CTTNBP2NL: variants seen among roughly 807,000 people sequenced by gnomAD.
CTTNBP2NL encodes CTTNBP2 N-terminal like, also known as CTTNBP2 N-terminal-like protein.
A neutral mutation model predicts 32.5 loss-of-function variants in CTTNBP2NL; 16 were observed. That is an observed-to-expected ratio of 0.49 (90% confidence interval 0.33 to 0.75). The LOEUF (loss-of-function observed/expected upper bound fraction) is 0.75, where lower values mean the gene tolerates loss of function less well. Ranked by LOEUF, CTTNBP2NL falls within the 30% of genes least tolerant of loss-of-function variation. The pLI is 0.02. For synonymous variants in CTTNBP2NL, 298 were observed against 289.4 expected (o/e 1.03, Z -0.30); for missense variants, 645 against 756.0 (o/e 0.85, Z 1.72).
intron 3 of CTTNBP2NL, among the ~76,000 whole-genome samples, chr1:112,421,518 G>A (rs548490657): frequency 6.7e-6 from 1 of 149,356 alleles, no homozygotes; most frequent in Non-Finnish European, 1.5e-5. Context: ...GGCCAGGCTG[G>A]TCTTGAACTC....
chr1:112,391,676 G>T (rs550508262), upstream of CTTNBP2NL, among the ~76,000 whole-genome samples: 1 of 152,106 alleles, frequency 6.6e-6, no homozygotes, highest in East Asian at 1.9e-4. Context: ...CACTATTCCC[G>T]CTTCTCTTGC....
At chr1:112,405,266 G>C in intron 1 of CTTNBP2NL, among the ~76,000 whole-genome samples, 1 of 152,136 alleles carries the variant, frequency 6.6e-6, no homozygotes, top group East Asian at 1.9e-4. Flanking sequence ...GAGAATACCT[G>C]AGATGGTGTA....
intron 3 of CTTNBP2NL, among the ~76,000 whole-genome samples, chr1:112,436,683 G>T (rs376236556): frequency 2.6e-4 from 39 of 151,102 alleles, no homozygotes; most frequent in African/African-American, 9.0e-4. Flanking sequence ...TTTATTTTAA[G>T]TTCAGGGGTA....
chr1:112,395,877 G>A (rs954424667), upstream of CTTNBP2NL, among the ~76,000 whole-genome samples: 1 of 152,170 alleles, frequency 6.6e-6, no homozygotes, highest in Non-Finnish European at 1.5e-5. Flanking sequence ...TAAACTCCGC[G>A]TACAGTCAGG....
At chr1:112,447,902 C>G (rs1368080624) in intron 3 of CTTNBP2NL, among the ~76,000 whole-genome samples, 2 of 152,128 alleles carry the variant, frequency 1.3e-5, no homozygotes, top group African/African-American at 2.4e-5. Context: ...TGTGTTAACA[C>G]TTCATTTTTC....
chr1:112,439,879 C>G (rs1207860373), intron 3 of CTTNBP2NL, among the ~76,000 whole-genome samples: 1 of 152,170 alleles, frequency 6.6e-6, no homozygotes, highest in Admixed American at 6.5e-5. Context: ...AATGTAAAGT[C>G]TAAGTCTTAG....
chr1:112,398,523 A>G (rs557542456), intron 1 of CTTNBP2NL, among the ~76,000 whole-genome samples: 3 of 152,304 alleles, frequency 2.0e-5, no homozygotes, highest in Admixed American at 1.3e-4. Flanking sequence ...CAATGTACTG[A>G]TTAGATTTGG....
In CTTNBP2NL at chr1:112,459,031, C is replaced by G. The variant is rs1650465878; in HGVS notation, c.*1619C>G. 6.6e-6 allele frequency: 1 copy of G among 152,194 alleles called. No homozygotes were observed. The allele number at this position is 152,194 out of a possible 1,614,324, so 9.4% of individuals were successfully genotyped here. On this transcript the variant is annotated 3_prime_UTR_variant, in exon 6 of 6. Transcript: ENST00000271277. ...TGCTAAACCAGGATTACCAGTTCTT[C>G]ACATTTTTTGAAATCCAAATTTTCA...
At chr1:112,406,116 G>A (rs930880837) in intron 1 of CTTNBP2NL, among the ~76,000 whole-genome samples, 12 of 151,900 alleles carry the variant, frequency 7.9e-5, no homozygotes, top group African/African-American at 1.9e-4. Flanking sequence ...CCTGGGAGGC[G>A]GAGGTTGCAG....
intron 1 of CTTNBP2NL, among the ~76,000 whole-genome samples, chr1:112,403,360 A>G (rs2488758): frequency 0.47 from 70,982 of 152,020 alleles, 18,362 homozygotes; most frequent in African/African-American, 0.7. Context: ...GTTGGCTGAG[A>G]TTGAAAGTGC....
intron 3 of CTTNBP2NL, among the ~76,000 whole-genome samples, chr1:112,424,644 C>T (rs1420878505): frequency 6.6e-6 from 1 of 152,136 alleles, no homozygotes; most frequent in Admixed American, 6.6e-5. Context: ...TTTTTCGATC[C>T]ATGAATATGC....
rs145054277 is a variant in CTTNBP2NL at position 112,397,984 on chromosome 1, G to A, written c.-134+1712G>A. ...CTCAGTGATTGTTTCCAAATCTCCAGTAAGAAAGTACAAAGAAGAAACTGG... is the reference window on the plus strand; with the variant it reads ...CTCAGTGATTGTTTCCAAATCTCCAATAAGAAAGTACAAAGAAGAAACTGG... On this transcript the variant is annotated intron_variant, in intron 1 of 5. Transcript: ENST00000271277. Among the ~76,000 whole-genome samples the A allele has an allele frequency of 9.8e-3, 1,492 of 152,294 alleles. 36 individuals are homozygous for A. The highest frequency in any genetic ancestry group is 0.034 in the African/African-American group (1,402 of 41,548).
intron 3 of CTTNBP2NL, among the ~76,000 whole-genome samples, chr1:112,447,490 A>G (rs1650085681): frequency 6.6e-6 from 1 of 152,174 alleles, no homozygotes; most frequent in African/African-American, 2.4e-5. Flanking sequence ...GGCTGCAGTC[A>G]AGCCAGAAGT....
At chr1:112,401,834 C>T (rs776021734) in intron 1 of CTTNBP2NL, among the ~76,000 whole-genome samples, 3 of 152,182 alleles carry the variant, frequency 2.0e-5, no homozygotes, top group Non-Finnish European at 4.4e-5. Context: ...AGAGCCAGAA[C>T]TTCCAATCTA....
rs181151043 is a variant in CTTNBP2NL at position 112,427,850 on chromosome 1, C to T, written c.99+11586C>T. 4.0e-5 allele frequency among the ~76,000 whole-genome samples: 6 copies of T among 150,216 alleles called. No individual in the cohort carries two copies. The East Asian group carries it at 5.9e-4, about 15-fold the overall frequency. ...GGCAGAGGTTGCAGTGAGCCGAGAT[C>T]GCGCCACTGCACCCCAGCCTGGGGG... On this transcript the variant is annotated intron_variant, in intron 3 of 5. Coordinates refer to ENST00000271277, the MANE Select transcript of CTTNBP2NL (RefSeq NM_018704.3).
At chr1:112,392,796 G>A (rs1648216149), upstream of CTTNBP2NL, among the ~76,000 whole-genome samples, 1 of 152,136 alleles carries the variant, frequency 6.6e-6, no homozygotes, top group Non-Finnish European at 1.5e-5. Context: ...AGAGGCATGG[G>A]ATGGAGCATC....
At chr1:112,391,357 T>C (rs1648176216), upstream of CTTNBP2NL, among the ~76,000 whole-genome samples, 1 of 152,176 alleles carries the variant, frequency 6.6e-6, no homozygotes, top group Admixed American at 6.5e-5. Context: ...TCATCACTTT[T>C]CCCATTCATT....
chr1:112,415,931 G>C (rs1557887116), intron 2 of CTTNBP2NL: 4 of 422,716 alleles, frequency 9.5e-6, no homozygotes, highest in Non-Finnish European at 1.7e-5. Flanking sequence ...ATGAAAAATT[G>C]ATCTTTGTGA....
rs1198643330 is a variant in CTTNBP2NL at position 112,457,380 on chromosome 1, G to A, written c.1888G>A (p.Asp630Asn). Residue 630 changes from aspartate to asparagine, a missense_variant, in exon 6 of 6, where the codon GAT becomes AAT. Physicochemically the swap from Asp to Asn is conservative, Grantham distance 23. Transcript: ENST00000271277. ...SSNTVVANGK[D>N]VELLLPTSS The stretch of plus-strand genomic sequence containing the variant: ...CAATACTGTTGTAGCAAATGGTAAG[G>A]ATGTTGAGTTACTTTTGCCTACCAG... 12 of 1,613,174 alleles carry A rather than the reference G, an allele frequency of 7.4e-6. No individual in the cohort carries two copies. Among genetic ancestry groups the A allele is most frequent in the East Asian group, 2.2e-5 (1 of 44,868 alleles).
Sources: gnomAD v4.1 joint callset for allele counts (sites outside exome capture counted in the v4.1 genomes callset) on GRCh38, gnomAD v4.1.1 for gene constraint, MANE v1.5 for transcripts, NCBI Gene and HGNC (gene_info 2026-07-23, HGNC 2026-07-21) for gene names.